The following ZNF697 variants were observed in gnomAD, a reference collection of about 807,000 sequenced individuals.
ZNF697 encodes zinc finger protein 697.
Under a neutral mutation model 32.4 loss-of-function variants are expected in ZNF697, and 23 were observed. The ratio of observed to expected loss-of-function variants is 0.71; its 90% CI spans 0.51 to 1.01. The LOEUF is 1.01. ZNF697 is among the 50% of genes least tolerant of loss of function. The pLI is 0.00. For synonymous variants in ZNF697, 418 were observed against 337.2 expected, an observed-to-expected ratio of 1.24 and a Z score of -2.62; for missense variants, 930 against 794.0, an observed-to-expected ratio of 1.17 and a Z score of -2.06.
Position 119,622,970 on chromosome 1 carries a change from AC to A in ZNF697, c.1372del (p.Val458CysfsTer51). 6.2e-7 allele frequency: 1 copy of A among 1,600,344 alleles called. No individual in the cohort carries two copies. The highest frequency in any genetic ancestry group is 8.5e-7 in the Non-Finnish European group (1 of 1,171,800). On this transcript the variant is annotated frameshift_variant, in exon 3 of 3. Transcript: ENST00000421812. LOFTEE classifies it high-confidence loss of function. The part of the protein sequence containing the change: ...RNSHLVNHLR[V>X]HTGEKPFRCG... ...GCGGAAGGGCTTCTCGCCGGTGTGCACGCGCAGGTGGTTCACCAGGTGCGAG... is the reference window on the plus strand; with the variant it reads ...GCGGAAGGGCTTCTCGCCGGTGTGCAGCGCAGGTGGTTCACCAGGTGCGAG...
chr1:119,630,176 T>C (rs1373028636), intron 1 of ZNF697, among the ~76,000 whole-genome samples: 1 of 152,266 alleles, frequency 6.6e-6, no homozygotes, highest in East Asian at 1.9e-4. Flanking sequence ...ACCATTGTGC[T>C]GTGTGACTTT....
At chr1:119,645,163 CTT>C (rs1649169896) in intron 1 of ZNF697, among the ~76,000 whole-genome samples, 2 of 152,154 alleles carry the variant, frequency 1.3e-5, no homozygotes, top group South Asian at 4.1e-4. Context: ...TTTAGGGTCT[CTT>C]AACCCAGGAG....
chr1:119,633,610 A>G (rs1648844920), intron 1 of ZNF697, among the ~76,000 whole-genome samples: 1 of 152,166 alleles, frequency 6.6e-6, no homozygotes, highest in Admixed American at 6.5e-5. Flanking sequence ...ATGTACTCGA[A>G]GTCCACTGAT....
rs1379181609 is a variant in ZNF697 at position 119,623,172 on chromosome 1, T to C, written c.1171A>G (p.Ser391Gly). ...TGCTTCACCAAGTCCGAGCGCCAGC[T>C]GAAGCGCTTGCCGCACTCGCCACAG... is the stretch of plus-strand genomic sequence containing the variant. ...HGCGECGKRF[S>G]WRSDLVKHQR... is the part of the protein sequence containing the mutation. The change falls in exon 3 of 3, where the codon AGC becomes GGC. Residue 391 changes from serine to glycine, a missense_variant. Coordinates refer to ENST00000421812, the MANE Select transcript of ZNF697 (RefSeq NM_001080470.2). The C allele has an allele frequency of 1.9e-6, 3 of 1,566,900 alleles. No individual in the cohort carries two copies. The highest frequency in any genetic ancestry group is 2.6e-6 in the Non-Finnish European group (3 of 1,153,140).
Position 119,623,330 on chromosome 1 carries a change from G to T in ZNF697, c.1013C>A (p.Ala338Glu). Residue 338 changes from alanine to glutamate, a missense_variant, in exon 3 of 3, where the codon GCG becomes GAG. Coordinates refer to ENST00000421812, the MANE Select transcript of ZNF697 (RefSeq NM_001080470.2). ...LSSHLLSHRRAHAAASGAGAA... is the reference protein window; with the variant it reads ...LSSHLLSHRREHAAASGAGAA... ...CCCCGCGCCGCTGGCCGCCGCGTGC[G>T]CGCGCCGGTGGCTCAACAGATGCGA... The T allele has an allele frequency of 7.5e-7, 1 of 1,340,118 alleles. No individual in the cohort carries two copies. The highest frequency in any genetic ancestry group is 9.5e-7 in the Non-Finnish European group (1 of 1,048,868). The allele number at this position is 1,340,118 out of a possible 1,614,324, so 83.0% of individuals were successfully genotyped here. A position where few individuals can be genotyped will look rare whatever the true frequency, so the allele number is the denominator to read the frequency against.
At chr1:119,628,074 G>A (rs112943815) in intron 1 of ZNF697, among the ~76,000 whole-genome samples, 33 of 128,748 alleles carry the variant, frequency 2.6e-4, no homozygotes, top group African/African-American at 7.4e-4. Flanking sequence ...GGCGGGGGGC[G>A]GGGGGAGTTA....
Position 119,623,684 on chromosome 1 carries a change from G to T in ZNF697, c.659C>A (p.Ala220Asp), listed in dbSNP as rs1168348126. The change falls in exon 3 of 3, where the codon GCC becomes GAC. Residue 220 changes from alanine (A) to aspartate (D), a missense_variant. By Grantham distance (126) the Ala-to-Asp change is moderately radical. Coordinates refer to ENST00000421812, the MANE Select transcript of ZNF697 (RefSeq NM_001080470.2). ...IHRLAEAAAAASLEPFGLAGE... is the reference protein window; with the variant it reads ...IHRLAEAAAADSLEPFGLAGE... ...CGCCAGGCCGAAGGGCTCCAGGCTG[G>T]CGGCGGCAGCGGCCTCAGCCAGGCG... 2 of 1,530,360 alleles carry T rather than the reference G, an allele frequency of 1.3e-6. No individual in the cohort carries two copies. Among genetic ancestry groups the T allele is most frequent in the Non-Finnish European group, 1.7e-6 (2 of 1,144,342 alleles). 94.8% of individuals were successfully genotyped at this position (1,530,360 alleles called of 1,614,324 possible).
rs1305306322 is a variant in ZNF697, at chr1:119,621,479, T to A, written c.*1226A>T. On this transcript the variant is annotated 3_prime_UTR_variant, in exon 3 of 3. Transcript: ENST00000421812. ...TAACAACCAGAAAACATTCATTGTTTGTGCTATTTGGCAATTTTGCATTTA... is the reference window on the plus strand; with the variant it reads ...TAACAACCAGAAAACATTCATTGTTAGTGCTATTTGGCAATTTTGCATTTA... The A allele has an allele frequency of 6.5e-6, 1 of 152,692 alleles. No homozygotes were observed. Among genetic ancestry groups the A allele is most frequent in the Admixed American group, 6.5e-5 (1 of 15,292 alleles). The allele number at this position is 152,692 out of a possible 1,614,324, so 9.5% of individuals were successfully genotyped here.
chr1:119,647,411 G>A lies in ZNF697; in HGVS notation c.-38+280C>T, dbSNP rs1032439432. ...TAGACGGCCACCCCTCTTGGGCTGC[G>A]AGCTGCTGCCCATCTCTCCACCCAC... On this transcript the variant is annotated intron_variant, in intron 1 of 2. Transcript: ENST00000421812. Among the ~76,000 whole-genome samples, 3 of 152,146 alleles carry A rather than the reference G, an allele frequency of 2.0e-5. No homozygotes were observed. The South Asian group carries it at 6.2e-4, about 32-fold the overall frequency.
At chr1:119,638,685 T>A (rs1373839126) in intron 1 of ZNF697, among the ~76,000 whole-genome samples, 2 of 152,176 alleles carry the variant, frequency 1.3e-5, no homozygotes, top group African/African-American at 2.4e-5. Context: ...TTTATACAGC[T>A]CTTCTATCCA....
rs1181701258 is a variant in ZNF697, at chr1:119,621,626, T to G, written c.*1079A>C. The G allele has an allele frequency of 9.3e-5, 14 of 151,298 alleles. No individual in the cohort carries two copies. Among genetic ancestry groups the G allele is most frequent in the Admixed American group, 8.6e-4 (13 of 15,076 alleles). 9.4% of individuals were successfully genotyped at this position (151,298 alleles called of 1,614,324 possible). A position where few individuals can be genotyped will look rare whatever the true frequency, so the allele number is the denominator to read the frequency against. ...TCGTCAATATGCATGGAAGTGGGGG[T>G]TAGTGGAGGTCACTAACAAATGCAA... On this transcript the variant is annotated 3_prime_UTR_variant, in exon 3 of 3. Transcript: ENST00000421812.
intron 1 of ZNF697, among the ~76,000 whole-genome samples, chr1:119,636,457 G>A (rs587771068): frequency 6.6e-6 from 1 of 152,306 alleles, no homozygotes; most frequent in African/African-American, 2.4e-5. Flanking sequence ...AGGGGGATAA[G>A]AGCAGTTTCA....
chr1:119,646,407 C>T (rs1649205986), intron 1 of ZNF697, among the ~76,000 whole-genome samples: 1 of 151,684 alleles, frequency 6.6e-6, no homozygotes, highest in South Asian at 2.1e-4. Context: ...TTCACAGAGC[C>T]TCTTCCCTTC....
intron 2 of ZNF697, among the ~76,000 whole-genome samples, chr1:119,625,264 C>G (rs12565943): frequency 0.18 from 28,141 of 152,122 alleles, 3,545 homozygotes; most frequent in East Asian, 0.53. Flanking sequence ...CATTTCTGTC[C>G]CCAGAGCATG....
At position 119,622,496 on chromosome 1, in the gene ZNF697, T is replaced by A; in HGVS notation, c.*209A>T. The A allele has an allele frequency of 2.1e-6, 2 of 934,632 alleles. No homozygotes were observed. The highest frequency in any genetic ancestry group is 3.0e-6 in the Non-Finnish European group (2 of 664,918). 57.9% of individuals were successfully genotyped at this position (934,632 alleles called of 1,614,324 possible). ...ACCCCAAGCGCATCTCCTGAACAAT[T>A]CTTCCGTGGAGAGGAGGCAAGTATA... On this transcript the variant is annotated 3_prime_UTR_variant, in exon 3 of 3. Coordinates refer to ENST00000421812, the MANE Select transcript of ZNF697 (RefSeq NM_001080470.2).
At chr1:119,637,503 C>A (rs347906) in intron 1 of ZNF697, among the ~76,000 whole-genome samples, 23,815 of 152,136 alleles carry the variant, frequency 0.16, 2,147 homozygotes, top group African/African-American at 0.26. Flanking sequence ...GAGGATGGGG[C>A]CACCCTTCAG....
Position 119,644,978 on chromosome 1 carries a change from A to G in ZNF697, c.-38+2713T>C, listed in dbSNP as rs138705488. Among the ~76,000 whole-genome samples the G allele has an allele frequency of 2.2e-3, 334 of 152,348 alleles. 2 individuals are homozygous for G. Among genetic ancestry groups the G allele is most frequent in the African/African-American group, 7.7e-3 (319 of 41,576 alleles). On this transcript the variant is annotated intron_variant, in intron 1 of 2. Transcript: ENST00000421812. ...CCAATGAGCACTTTGCACCTTCATA[A>G]TTGAATGGAAACAGTTACCTTCTTC...
intron 1 of ZNF697, among the ~76,000 whole-genome samples, chr1:119,638,770 A>C (rs1648990331): frequency 6.6e-6 from 1 of 152,136 alleles, no homozygotes; most frequent in Non-Finnish European, 1.5e-5. Flanking sequence ...TGATGCCCCA[A>C]GCATTACAAC....
chr1:119,625,888 G>A lies in ZNF697; in HGVS notation c.213C>T (p.Pro71=), dbSNP rs587759186. Residue 71 remains proline (P), a synonymous_variant, in exon 2 of 3, where the codon CCC becomes CCT. Coordinates refer to ENST00000421812, the MANE Select transcript of ZNF697 (RefSeq NM_001080470.2). ...CTTTCTCCTCACCTGTGCAGATGTC[G>A]GGCACTGCTTCCCTGTGCCTTGAGT... ...PQDSRHREAV[P]DICTEGQLSE... is the part of the protein sequence containing the mutation. The A allele has an allele frequency of 9.2e-4, 1,489 of 1,613,586 alleles. 18 individuals carry two copies. The South Asian group carries it at 0.016, about 17-fold the overall frequency.
Sources: allele counts gnomAD v4.1 joint callset (sites outside exome capture counted in the v4.1 genomes callset), GRCh38; gene constraint gnomAD v4.1.1; transcripts MANE v1.5; gene names NCBI Gene and HGNC (gene_info 2026-07-23, HGNC 2026-07-21).